The following LRRTM4 variants were observed in gnomAD, a reference collection of about 807,000 sequenced individuals.
The protein encoded by LRRTM4 is leucine-rich repeat transmembrane neuronal protein 4.
In LRRTM4, 25 loss-of-function variants were observed where a neutral mutation model predicts 47.6. That is an observed-to-expected ratio of 0.53 (90% CI 0.38 to 0.73). The LOEUF (loss-of-function observed/expected upper bound fraction) is 0.73, where lower values mean the gene tolerates loss of function less well. Among genes scored for constraint, LRRTM4 ranks in the 30% least tolerant of loss-of-function variants. The pLI, the probability that LRRTM4 is intolerant of heterozygous loss-of-function variation, is 0.00. For missense variants in LRRTM4, 638 were observed against 713.4 expected (o/e 0.89, Z 1.20); for synonymous variants, 311 against 269.5 (o/e 1.15, Z -1.51).
intron 3 of LRRTM4, among the ~76,000 whole-genome samples, chr2:77,434,652 A>T (rs949231996): frequency 1.3e-5 from 2 of 152,204 alleles, no homozygotes; most frequent in African/African-American, 4.8e-5. Flanking sequence ...CTTTCTCTCC[A>T]GGTTTGGTGT....
At chr2:77,267,399 T>C (rs12618903) in intron 3 of LRRTM4, among the ~76,000 whole-genome samples, 13,176 of 152,210 alleles carry the variant, frequency 0.087, 702 homozygotes, top group East Asian at 0.31. Flanking sequence ...GCTTCTAAGA[T>C]GCCACCTTGA....
intron 3 of LRRTM4, among the ~76,000 whole-genome samples, chr2:77,514,298 T>A (rs980322434): frequency 1.3e-5 from 2 of 152,082 alleles, no homozygotes; most frequent in African/African-American, 4.8e-5. Context: ...TACATTATGC[T>A]TAGTAGTCCT....
intron 3 of LRRTM4, among the ~76,000 whole-genome samples, chr2:77,278,869 G>A (rs556811712): frequency 4.6e-5 from 7 of 151,946 alleles, no homozygotes; most frequent in African/African-American, 1.4e-4. Flanking sequence ...CATTACCTAC[G>A]ACTGTCCTTG....
intron 3 of LRRTM4, among the ~76,000 whole-genome samples, chr2:77,399,117 CG>C (rs981170530): frequency 3.3e-5 from 5 of 150,962 alleles, no homozygotes; most frequent in Non-Finnish European, 5.9e-5. Context: ...GCCTCTCAAA[CG>C]TGATGCCATT....
At chr2:76,974,819 G>A (rs1396254369) in intron 3 of LRRTM4, among the ~76,000 whole-genome samples, 1 of 151,562 alleles carries the variant, frequency 6.6e-6, no homozygotes, top group Non-Finnish European at 1.5e-5. Flanking sequence ...CACAGTTTTT[G>A]TCTTTTCAAA....
At chr2:76,998,205 G>A (rs1182899106) in intron 3 of LRRTM4, among the ~76,000 whole-genome samples, 1 of 152,034 alleles carries the variant, frequency 6.6e-6, no homozygotes, top group East Asian at 1.9e-4. Flanking sequence ...AGAAATGGTT[G>A]GGGACTGCTG....
chr2:76,978,435 TA>T (rs1676490420), intron 3 of LRRTM4, among the ~76,000 whole-genome samples: 1 of 152,096 alleles, frequency 6.6e-6, no homozygotes, highest in East Asian at 1.9e-4. Context: ...CATGAAAATA[TA>T]TTTTTTACAA....
intron 3 of LRRTM4, among the ~76,000 whole-genome samples, chr2:76,770,600 G>C (rs1673654928): frequency 6.6e-6 from 1 of 152,076 alleles, no homozygotes; most frequent in South Asian, 2.1e-4. Context: ...TTTCTTTCTG[G>C]TTTGGAGGTC....
chr2:77,396,127 T>G (rs1420835708), intron 3 of LRRTM4, among the ~76,000 whole-genome samples: 3 of 151,954 alleles, frequency 2.0e-5, no homozygotes, highest in Admixed American at 6.6e-5. Context: ...TTTTTTTAAT[T>G]AAAACCACCA....
chr2:76,782,500 A>G (rs1478661250), intron 3 of LRRTM4, among the ~76,000 whole-genome samples: 1 of 152,212 alleles, frequency 6.6e-6, no homozygotes, highest in African/African-American at 2.4e-5. Context: ...TGCAATAGCA[A>G]CAGGAGGTGA....
At chr2:76,859,528 A>G (rs1190146593) in intron 3 of LRRTM4, among the ~76,000 whole-genome samples, 3 of 152,184 alleles carry the variant, frequency 2.0e-5, no homozygotes, top group Admixed American at 2.0e-4. Context: ...GCATAGTTGA[A>G]TTTAGAAGTC....
chr2:76,794,512 G>T (rs1357713723), intron 3 of LRRTM4, among the ~76,000 whole-genome samples: 1 of 151,960 alleles, frequency 6.6e-6, no homozygotes, highest in Non-Finnish European at 1.5e-5. Context: ...GCAAACATTT[G>T]CACCTCTTCT....
intron 3 of LRRTM4, among the ~76,000 whole-genome samples, chr2:76,921,594 A>G (rs551080624): frequency 7.9e-5 from 12 of 152,064 alleles, no homozygotes; most frequent in Non-Finnish European, 1.2e-4. Flanking sequence ...ATTTGTTTCT[A>G]TCTCTCATTT....
At chr2:77,174,640 GTTTT>G (rs1008255538) in intron 3 of LRRTM4, among the ~76,000 whole-genome samples, 5 of 151,302 alleles carry the variant, frequency 3.3e-5, no homozygotes, top group African/African-American at 2.4e-5. Flanking sequence ...CTGCCTGGTT[GTTTT>G]TTTTGTTTGT....
chr2:77,086,468 A>G (rs899783176), intron 3 of LRRTM4, among the ~76,000 whole-genome samples: 2 of 148,124 alleles, frequency 1.4e-5, no homozygotes, highest in African/African-American at 5.1e-5. Context: ...TGCAGGTTAC[A>G]TATAATAATT....
chr2:76,777,596 T>C (rs1421431707), intron 3 of LRRTM4, among the ~76,000 whole-genome samples: 2 of 148,034 alleles, frequency 1.4e-5, no homozygotes. Flanking sequence ...TTGTGATTTT[T>C]GCACATTGAT....
chr2:77,441,021 A>C (rs994708166), intron 3 of LRRTM4, among the ~76,000 whole-genome samples: 5 of 152,244 alleles, frequency 3.3e-5, no homozygotes, highest in African/African-American at 1.2e-4. Context: ...TCTCACAATG[A>C]ACTAAATCTG....
intron 3 of LRRTM4, among the ~76,000 whole-genome samples, chr2:77,465,288 G>A (rs537914199): frequency 7.9e-5 from 12 of 152,198 alleles, no homozygotes; most frequent in African/African-American, 2.2e-4. Flanking sequence ...CCTTTAGCTC[G>A]TTAGTTAACC....
chr2:76,830,539 T>TGG (rs1336876965), intron 3 of LRRTM4, among the ~76,000 whole-genome samples: 1 of 151,144 alleles, frequency 6.6e-6, no homozygotes, highest in Non-Finnish European at 1.5e-5. Flanking sequence ...TGTGTGTGTG[T>TGG]GTGTGTGTTT....
Sources: gnomAD v4.1 joint callset for allele counts (sites outside exome capture counted in the v4.1 genomes callset) on GRCh38, gnomAD v4.1.1 for gene constraint, MANE v1.5 for transcripts, NCBI Gene and HGNC (gene_info 2026-07-23, HGNC 2026-07-21) for gene names.